The following UBD variants were observed in gnomAD, a reference collection of about 807,000 sequenced individuals.
UBD encodes the protein ubiquitin like modifier D.
UBD carries 1 observed loss-of-function variant against 2.3 expected under a neutral mutation model. That is an observed-to-expected ratio of 0.43 (90% CI 0.15 to 2.06). The LOEUF (loss-of-function observed/expected upper bound fraction) is 2.06. Ranked by LOEUF, UBD falls within the 30% of genes most tolerant of loss-of-function variation. The probability of loss-of-function intolerance (pLI) is 0.29; values close to 1 mark genes in which losing one functional copy is unlikely to be tolerated. For synonymous variants in UBD, 75 were observed against 76.5 expected (o/e 0.98, Z 0.10); for missense variants, 175 against 199.3 (o/e 0.88, Z 0.73).
Position 29,555,836 on chromosome 6 carries a change from A to G in UBD, c.*44T>C. 1 of 1,490,558 alleles carries G rather than the reference A, an allele frequency of 6.7e-7. No homozygotes were observed. Among genetic ancestry groups the G allele is most frequent in the Non-Finnish European group, 9.3e-7 (1 of 1,079,118 alleles). The allele number at this position is 1,490,558 out of a possible 1,614,324, so 92.3% of individuals were successfully genotyped here. A position where few individuals can be genotyped will look rare whatever the true frequency, so the allele number is the denominator to read the frequency against. On this transcript the variant is annotated 3_prime_UTR_variant, in exon 2 of 2. Transcript: ENST00000377050. Reference sequence around the variant, plus strand: ...TGTTCGTTGAGTAAGAGATTAAAAGAAATAAGCTTTTTGACCCCTGCCAAC... The same window carrying G: ...TGTTCGTTGAGTAAGAGATTAAAAGGAATAAGCTTTTTGACCCCTGCCAAC...
In UBD at chr6:29,555,717, T is replaced by A; in HGVS notation, c.*163A>T. 1 of 595,716 alleles carries A rather than the reference T, an allele frequency of 1.7e-6. No individual in the cohort carries two copies. Among genetic ancestry groups the A allele is most frequent in the Non-Finnish European group, 3.0e-6 (1 of 338,216 alleles). The allele number at this position is 595,716 out of a possible 1,614,324, so 36.9% of individuals were successfully genotyped here. A position where few individuals can be genotyped will look rare whatever the true frequency, so the allele number is the denominator to read the frequency against. On this transcript the variant is annotated 3_prime_UTR_variant, in exon 2 of 2. Transcript: ENST00000377050. ...TAATTGTGTTAGAATCAAAGAAACA[T>A]AGAGTTGGGCAATATACTTCATCCT...
At chr6:29,559,635 CT>C (rs1275103178) in intron 1 of UBD, 39 bp downstream of exon 1, 3 of 1,612,252 alleles carry the variant, frequency 1.9e-6, no homozygotes, top group Middle Eastern at 1.7e-4. Flanking sequence ...CTTGAAAGTG[CT>C]TTTCCTTTCC....
In UBD at chr6:29,556,091, C is replaced by T. The variant is rs1233592676; in HGVS notation, c.287G>A (p.Gly96Asp). Reference sequence around the variant, plus strand: ...GAGGAGGTGCCTCTTTGCCTCATCACCTGACTCCACAAGAAACAAGGGCAG... The same window carrying T: ...GAGGAGGTGCCTCTTTGCCTCATCATCTGACTCCACAAGAAACAAGGGCAG... ...EELPLFLVESGDEAKRHLLQV... is the reference protein window; with the variant it reads ...EELPLFLVESDDEAKRHLLQV... The change falls in exon 2 of 2, where the codon GGT (glycine) becomes GAT (aspartate). Residue 96 changes from glycine (G) to aspartate (D), a missense_variant. Gly to Asp is a moderately conservative substitution (Grantham distance 94). Transcript: ENST00000377050. 6.2e-7 allele frequency: 1 copy of T among 1,613,092 alleles called. No homozygotes were observed. Among genetic ancestry groups the T allele is most frequent in the South Asian group, 1.1e-5 (1 of 91,068 alleles).
At chr6:29,557,694 G>A (rs1762594302) in intron 1 of UBD, 1 of 152,168 alleles carries the variant, frequency 6.6e-6, no homozygotes, top group Non-Finnish European at 1.5e-5. Flanking sequence ...TCAATCAGAA[G>A]CAAAACTTCC....
At chr6:29,557,411 T>A (rs1418926020) in intron 1 of UBD, 1 of 152,224 alleles carries the variant, frequency 6.6e-6, no homozygotes, top group East Asian at 1.9e-4. Flanking sequence ...CTGGCTAGTT[T>A]ACAGAAGCTG....
In UBD at chr6:29,555,853, C is replaced by G. The variant is rs1762481077; in HGVS notation, c.*27G>C. The stretch of plus-strand genomic sequence containing the variant: ...ATTAAAAGAAATAAGCTTTTTGACC[C>G]CTGCCAACACCCCATGCCCAGGGTG... On this transcript the variant is annotated 3_prime_UTR_variant, in exon 2 of 2. Transcript: ENST00000377050. 6.3e-7 allele frequency: 1 copy of G among 1,578,108 alleles called. No individual in the cohort carries two copies. The highest frequency in any genetic ancestry group is 1.1e-5 in the South Asian group (1 of 89,208).
Position 29,555,854 on chromosome 6 carries a change from C to A in UBD, c.*26G>T. 5 of 1,587,674 alleles carry A rather than the reference C, an allele frequency of 3.1e-6. No homozygotes were observed. The highest frequency in any genetic ancestry group is 3.5e-6 in the Non-Finnish European group (4 of 1,159,404). ...TTAAAAGAAATAAGCTTTTTGACCC[C>A]TGCCAACACCCCATGCCCAGGGTGG... On this transcript the variant is annotated 3_prime_UTR_variant, in exon 2 of 2. Transcript: ENST00000377050.
Position 29,556,179 on chromosome 6 carries a change from C to T in UBD, c.199G>A (p.Gly67Ser), listed in dbSNP as rs1347053804. ...TGGATGGTCTTCTCTTTGTCAATGC[C>T]ATAAGATGAGAGGCTTCTCCGTGGC... ...LKPRRSLSSY[G>S]IDKEKTIHLT... The change falls in exon 2 of 2, where the codon GGC becomes AGC. Residue 67 changes from glycine to serine, a missense_variant. Coordinates refer to ENST00000377050, the MANE Select transcript of UBD (RefSeq NM_006398.4). 1.2e-6 allele frequency: 2 copies of T among 1,613,058 alleles called. No individual in the cohort carries two copies. The highest frequency in any genetic ancestry group is 4.5e-5 in the East Asian group (2 of 44,882).
rs575598219 is a variant in UBD at position 29,556,256 on chromosome 6, G to A, written c.122C>T (p.Thr41Ile). The change falls in exon 2 of 2, where the codon ACC becomes ATC. Residue 41 changes from threonine to isoleucine, a missense_variant. Thr to Ile is a moderately conservative substitution (Grantham distance 89). Transcript: ENST00000377050. ...AACCTGGTCCTGCACAGGAACCTTG[G>A]TCTTAGACCGGACATGTTCTTTGAT... ...KKIKEHVRSK[T>I]KVPVQDQVLL... The A allele has an allele frequency of 8.4e-5, 135 of 1,613,064 alleles. No individual in the cohort carries two copies. In the East Asian group the frequency reaches 2.5e-3, roughly 30 times the overall value.
chr6:29,559,451 C>A (rs1336073061), intron 1 of UBD, among the ~76,000 whole-genome samples: 2 of 152,178 alleles, frequency 1.3e-5, no homozygotes, highest in African/African-American at 4.8e-5. Context: ...AGTAGCTAGT[C>A]CAATGTTTTA....
Position 29,556,137 on chromosome 6 carries a change from C to A in UBD, c.241G>T (p.Val81Leu). The change falls in exon 2 of 2, where the codon GTG becomes TTG. Residue 81 changes from valine to leucine, a missense_variant. By Grantham distance (32) the Val-to-Leu change is conservative (BLOSUM62 1). Transcript: ENST00000377050. ...GGCAGCTCCTCATCACTGGGCTTCA[C>A]CACTTTCAGGGTAAGGTGGATGGTC... ...EKTIHLTLKV[V>L]KPSDEELPLF... 1 of 1,613,116 alleles carries A rather than the reference C, an allele frequency of 6.2e-7. No individual in the cohort carries two copies. Among genetic ancestry groups the A allele is most frequent in the Non-Finnish European group, 8.5e-7 (1 of 1,180,038 alleles).
rs149542273 is a variant in UBD, at chr6:29,556,329, A to G, written c.49T>C (p.Trp17Arg). 8.1e-5 allele frequency: 131 copies of G among 1,612,036 alleles called. No homozygotes were observed. The African/African-American group carries it at 1.4e-3, about 18-fold the overall frequency. ...CLCVHVRSEE[W>R]DLMTFDANPY... ...TTGGCATCAAAGGTCATTAAATCCCATTCCTCGGAACGGACATGCACCTGG... is the reference window on the plus strand; with the variant it reads ...TTGGCATCAAAGGTCATTAAATCCCGTTCCTCGGAACGGACATGCACCTGG... The change falls in exon 2 of 2, where the codon TGG becomes CGG. Residue 17 changes from tryptophan to arginine, a missense_variant. Coordinates refer to ENST00000377050, the MANE Select transcript of UBD (RefSeq NM_006398.4).
At chr6:29,556,378 A>C in intron 1 of UBD, 28 bp from the exon 2 acceptor site, 1 of 1,573,594 alleles carries the variant, frequency 6.4e-7, no homozygotes, top group Non-Finnish European at 8.7e-7. Context: ...CAAGACAGTT[A>C]CCTAGGATGC....
At chr6:29,558,642 G>C (rs895778947) in intron 1 of UBD, among the ~76,000 whole-genome samples, 1 of 152,196 alleles carries the variant, frequency 6.6e-6, no homozygotes, top group Non-Finnish European at 1.5e-5. Flanking sequence ...CCATCCCTCG[G>C]ATCTGGCAGG....
rs780786422 is a variant in UBD, at chr6:29,556,348, C to T, written c.30G>A (p.Val10=). The change falls in exon 2 of 2, where the codon GTG becomes GTA. Residue 10 remains valine (V), a splice_region_variant and synonymous_variant. Coordinates refer to ENST00000377050, the MANE Select transcript of UBD (RefSeq NM_006398.4). ...AATCCCATTCCTCGGAACGGACATGCACCTGGGAAGTGAAAGCCACAAGAC... is the reference window on the plus strand; with the variant it reads ...AATCCCATTCCTCGGAACGGACATGTACCTGGGAAGTGAAAGCCACAAGAC... MAPNASCLC[V]HVRSEEWDLM... is the part of the protein sequence containing the mutation. 2.5e-6 allele frequency: 4 copies of T among 1,608,250 alleles called. No homozygotes were observed. The highest frequency in any genetic ancestry group is 3.3e-4 in the Middle Eastern group (2 of 6,046).
intron 1 of UBD, 81 bp from the exon 2 acceptor site, chr6:29,556,431 C>A (rs1301872497): frequency 1.0e-5 from 10 of 989,430 alleles, no homozygotes; most frequent in South Asian, 4.7e-5. Flanking sequence ...ATGGCTCCCC[C>A]TCTTCCACTA....
At chr6:29,557,600 C>T (rs1170849554) in intron 1 of UBD, 1 of 152,172 alleles carries the variant, frequency 6.6e-6, no homozygotes, top group Non-Finnish European at 1.5e-5. Flanking sequence ...CTGCTATAAC[C>T]TATTGGATAT....
rs2127303174 is a variant in UBD at position 29,556,007 on chromosome 6, C to T, written c.371G>A (p.Gly124Asp). Reference sequence around the variant, plus strand: ...CACAATCTGGGTCTCAGGGATTATACCCGTCTTAGTCTCGATCATTGCTTT... The same window carrying T: ...CACAATCTGGGTCTCAGGGATTATATCCGTCTTAGTCTCGATCATTGCTTT... ...QVKAMIETKT[G>D]IIPETQIVTC... The change falls in exon 2 of 2, where the codon GGT becomes GAT. Residue 124 changes from glycine (G) to aspartate (D), a missense_variant. Coordinates refer to ENST00000377050, the MANE Select transcript of UBD (RefSeq NM_006398.4). 1.2e-6 allele frequency: 2 copies of T among 1,613,084 alleles called. No homozygotes were observed. The highest frequency in any genetic ancestry group is 4.5e-5 in the East Asian group (2 of 44,882).
chr6:29,556,620 C>T (rs1006431596), intron 1 of UBD: 4 of 470,100 alleles, frequency 8.5e-6, no homozygotes, highest in African/African-American at 3.9e-5. Context: ...ACCAACTGAA[C>T]GGACGCTCTT....
Sources: gnomAD v4.1 joint callset for allele counts (sites outside exome capture counted in the v4.1 genomes callset) on GRCh38, gnomAD v4.1.1 for gene constraint, MANE v1.5 for transcripts, NCBI Gene and HGNC (gene_info 2026-07-23, HGNC 2026-07-21) for gene names.